Variants in SMYD3 observed in about 807,000 individuals in gnomAD.
SMYD3 encodes SET and MYND domain containing 3.
Under a neutral mutation model 57.7 loss-of-function variants are expected in SMYD3, and 36 were observed. That is an observed-to-expected ratio of 0.62 (90% CI 0.48 to 0.82). The LOEUF is 0.82. SMYD3 is among the 40% of genes least tolerant of loss of function. The pLI is 0.00. For synonymous variants in SMYD3, 211 were observed against 195.0 expected (o/e 1.08, Z -0.68); for missense variants, 515 against 538.8 (o/e 0.96, Z 0.44).
intron 5 of SMYD3, among the ~76,000 whole-genome samples, chr1:246,123,562 C>T (rs1324579083): frequency 6.9e-6 from 1 of 144,668 alleles, no homozygotes; most frequent in Non-Finnish European, 1.5e-5. Flanking sequence ...GAGTGAGACT[C>T]CATCTCAAAA....
intron 5 of SMYD3, among the ~76,000 whole-genome samples, chr1:246,243,032 T>G (rs924671785): frequency 1.3e-5 from 2 of 152,104 alleles, no homozygotes; most frequent in African/African-American, 4.8e-5. Context: ...CTGTCAACAT[T>G]AGACAGATCA....
chr1:246,101,600 C>A (rs1287058113), intron 5 of SMYD3, among the ~76,000 whole-genome samples: 1 of 152,172 alleles, frequency 6.6e-6, no homozygotes, highest in African/African-American at 2.4e-5. Flanking sequence ...TTATAAAAAT[C>A]ATTTAATTGT....
chr1:246,207,231 G>C (rs765066745), intron 5 of SMYD3, among the ~76,000 whole-genome samples: 2 of 152,210 alleles, frequency 1.3e-5, no homozygotes, highest in East Asian at 3.9e-4. Context: ...CTGAATTCTT[G>C]TGTGTAGGTC....
intron 10 of SMYD3, among the ~76,000 whole-genome samples, chr1:245,793,849 T>C (rs1314806933): frequency 2.0e-5 from 3 of 152,232 alleles, no homozygotes; most frequent in African/African-American, 7.2e-5. Context: ...AAATGCTTCA[T>C]CTGCCCTAAA....
chr1:246,379,077 T>TACACACAC (rs1256292141), intron 1 of SMYD3, among the ~76,000 whole-genome samples: 5 of 66,904 alleles, frequency 7.5e-5, no homozygotes, highest in South Asian at 7.8e-4. Flanking sequence ...TACACACACA[T>TACACACAC]ACATACACAC....
intron 10 of SMYD3, among the ~76,000 whole-genome samples, chr1:245,770,489 T>C (rs1366446186): frequency 6.6e-6 from 1 of 152,204 alleles, no homozygotes; most frequent in Non-Finnish European, 1.5e-5. Context: ...CCTGATTGGA[T>C]TAAGGTACGA....
chr1:246,136,641 A>C (rs1328754104), intron 5 of SMYD3, among the ~76,000 whole-genome samples: 1 of 152,204 alleles, frequency 6.6e-6, no homozygotes, highest in Non-Finnish European at 1.5e-5. Flanking sequence ...ACCAGTAGGC[A>C]AGATAAGGAA....
intron 5 of SMYD3, among the ~76,000 whole-genome samples, chr1:246,234,050 A>G (rs200701408): frequency 8.2e-6 from 1 of 121,872 alleles, no homozygotes; most frequent in African/African-American, 3.0e-5. Context: ...TGATGAACAT[A>G]TACCACACAG....
chr1:246,449,229 T>C (rs1164725444), intron 1 of SMYD3, among the ~76,000 whole-genome samples: 1 of 151,934 alleles, frequency 6.6e-6, no homozygotes, highest in Non-Finnish European at 1.5e-5. Context: ...AGAGCCTATC[T>C]CCAGAAAAAA....
At chr1:245,774,719 C>T (rs548776574) in intron 10 of SMYD3, among the ~76,000 whole-genome samples, 2 of 149,888 alleles carry the variant, frequency 1.3e-5, no homozygotes, top group South Asian at 2.1e-4. Context: ...TCTCCCTCTC[C>T]CTCTCTTTCC....
chr1:245,801,433 T>C (rs1226709907), intron 10 of SMYD3, among the ~76,000 whole-genome samples: 1 of 152,228 alleles, frequency 6.6e-6, no homozygotes, highest in Non-Finnish European at 1.5e-5. Flanking sequence ...TTGTCATAAA[T>C]ATCTCAGACT....
intron 2 of SMYD3, among the ~76,000 whole-genome samples, chr1:246,340,312 C>A (rs1263752662): frequency 6.7e-6 from 1 of 149,894 alleles, no homozygotes; most frequent in African/African-American, 2.4e-5. Flanking sequence ...AGGTAATAAA[C>A]CATGAAACAG....
At position 245,906,296 on chromosome 1, in the gene SMYD3, G is replaced by GA. The variant is rs376866041; in HGVS notation, c.813+9233dup. Among the ~76,000 whole-genome samples, 740 of 152,152 alleles carry GA rather than the reference G, an allele frequency of 4.9e-3. 7 individuals are homozygous for GA. Among genetic ancestry groups the GA allele is most frequent in the African/African-American group, 0.016 (657 of 41,522 alleles). On this transcript the variant is annotated intron_variant, in intron 8 of 11. Transcript: ENST00000490107. ...TACAAAGAGCTCAAACAAATCTATA[G>GA]AAAAAACAAATCTAATAATCTGATC...
intron 10 of SMYD3, among the ~76,000 whole-genome samples, chr1:245,775,215 T>C (rs2046526124): frequency 6.6e-6 from 1 of 151,382 alleles, no homozygotes; most frequent in African/African-American, 2.4e-5. Flanking sequence ...GTCCGGGAGG[T>C]GTACGCAGCA....
Position 246,164,512 on chromosome 1 carries a change from C to T in SMYD3, c.531+162689G>A, listed in dbSNP as rs112530835. 1.6e-3 allele frequency among the ~76,000 whole-genome samples: 244 copies of T among 152,260 alleles called. 1 individual carries two copies. The highest frequency in any genetic ancestry group is 5.4e-3 in the African/African-American group (226 of 41,562). ...CCTTAGAGATCTGCTATTTCCAAAC[C>T]ACCAGGACCAGCCCCAGTGAGCCAA... On this transcript the variant is annotated intron_variant, in intron 5 of 11. Transcript: ENST00000490107.
At chr1:246,225,846 A>C (rs547182636) in intron 5 of SMYD3, among the ~76,000 whole-genome samples, 1 of 152,352 alleles carries the variant, frequency 6.6e-6, no homozygotes, top group South Asian at 2.1e-4. Context: ...TGTGCAAAAT[A>C]GTAGCATTCG....
chr1:246,302,605 T>C (rs1172741220), intron 5 of SMYD3, among the ~76,000 whole-genome samples: 3 of 152,088 alleles, frequency 2.0e-5, no homozygotes, highest in Non-Finnish European at 4.4e-5. Flanking sequence ...GAAGACTGAA[T>C]AGAATGGGTT....
chr1:246,220,765 G>A (rs751660902), intron 5 of SMYD3, among the ~76,000 whole-genome samples: 6 of 152,116 alleles, frequency 3.9e-5, no homozygotes, highest in Non-Finnish European at 5.9e-5. Flanking sequence ...TGCCTTTTCC[G>A]GCCCACCCAT....
At chr1:246,282,704 T>G (rs1043526725) in intron 5 of SMYD3, among the ~76,000 whole-genome samples, 2 of 152,192 alleles carry the variant, frequency 1.3e-5, no homozygotes, top group African/African-American at 2.4e-5. Context: ...ATCAACAATA[T>G]TGTTATGCAA....
Sources: allele counts gnomAD v4.1 joint callset (sites outside exome capture counted in the v4.1 genomes callset), GRCh38; gene constraint gnomAD v4.1.1; transcripts MANE v1.5; gene names NCBI Gene and HGNC (gene_info 2026-07-23, HGNC 2026-07-21).